Variants in SPIDR observed in about 807,000 individuals in gnomAD.
SPIDR encodes the protein DNA repair-scaffolding protein.
SPIDR carries 93 observed loss-of-function variants against 104.6 expected under a neutral mutation model. The ratio of observed to expected loss-of-function variants is 0.89; its 90% confidence interval spans 0.75 to 1.06. SPIDR has a LOEUF of 1.06. Ranked by LOEUF, SPIDR falls within the 50% of genes least tolerant of loss-of-function variation. The pLI, the probability that SPIDR is intolerant of heterozygous loss-of-function variation, is 0.00. For missense variants in SPIDR, 1,154 were observed against 1,111.2 expected, an observed-to-expected ratio of 1.04 and a Z score of -0.55; for synonymous variants, 431 against 416.9, an observed-to-expected ratio of 1.03 and a Z score of -0.41.
At chr8:47,369,519 C>A (rs542008417) in intron 5 of SPIDR, among the ~76,000 whole-genome samples, 1 of 152,318 alleles carries the variant, frequency 6.6e-6, no homozygotes, top group South Asian at 2.1e-4. Flanking sequence ...GTACTGCCCT[C>A]TTTGGCCACT....
intron 7 of SPIDR, among the ~76,000 whole-genome samples, chr8:47,408,562 A>G (rs2063072301): frequency 6.6e-6 from 1 of 152,208 alleles, no homozygotes; most frequent in Non-Finnish European, 1.5e-5. Flanking sequence ...ATTGGCAGCC[A>G]CCATTGCAGT....
At chr8:47,546,887 T>C in intron 8 of SPIDR, 2 of 422,074 alleles carry the variant, frequency 4.7e-6, no homozygotes, top group Non-Finnish European at 9.1e-6. Flanking sequence ...GGAAGAGAAA[T>C]TAATGGTTTG....
chr8:47,453,419 A>G (rs1200458769), intron 8 of SPIDR, among the ~76,000 whole-genome samples: 3 of 152,198 alleles, frequency 2.0e-5, no homozygotes, highest in Non-Finnish European at 2.9e-5. Flanking sequence ...GAGAATTTTA[A>G]GCCAAAAGAG....
At chr8:47,409,402 C>T (rs1554669684) in intron 7 of SPIDR, among the ~76,000 whole-genome samples, 1 of 152,082 alleles carries the variant, frequency 6.6e-6, no homozygotes, top group Non-Finnish European at 1.5e-5. Flanking sequence ...TCTAGAAAAG[C>T]CTCCTCTCCT....
At position 47,599,043 on chromosome 8, in the gene SPIDR, C is replaced by A. The variant is rs370615576; in HGVS notation, c.1391C>A (p.Ser464Tyr). The A allele has an allele frequency of 8.4e-5, 135 of 1,613,068 alleles. No homozygotes were observed. In the African/African-American group the frequency reaches 1.7e-3, roughly 20 times the overall value. The change falls in exon 10 of 20, where the codon TCT (serine) becomes TAT (tyrosine). Residue 464 changes from serine to tyrosine, a missense_variant. Transcript: ENST00000297423. ...RIPTSTPLRD[S>Y]LLDVVESQGA... Reference sequence around the variant, plus strand: ...CCAACCAGCACTCCCCTGAGGGATTCTCTCCTGGATGTGGTGGAAAGCCAG... The same window carrying A: ...CCAACCAGCACTCCCCTGAGGGATTATCTCCTGGATGTGGTGGAAAGCCAG...
At chr8:47,658,029 C>CAAAAAAAAAAAAA (rs34648437) in intron 10 of SPIDR, among the ~76,000 whole-genome samples, 12 of 76,030 alleles carry the variant, frequency 1.6e-4, no homozygotes, top group Non-Finnish European at 2.2e-4. Flanking sequence ...GACCCTGTCT[C>CAAAAAAAAAAAAA]AAAAAAAAAA....
At chr8:47,696,306 A>G (rs958027099) in intron 11 of SPIDR, among the ~76,000 whole-genome samples, 5 of 152,222 alleles carry the variant, frequency 3.3e-5, no homozygotes, top group African/African-American at 9.6e-5. Flanking sequence ...TATGTTACCA[A>G]CAACAAAATT....
chr8:47,635,695 C>G (rs1281615807), intron 10 of SPIDR, among the ~76,000 whole-genome samples: 1 of 151,898 alleles, frequency 6.6e-6, no homozygotes, highest in Non-Finnish European at 1.5e-5. Flanking sequence ...GCAGTGCACT[C>G]CAGCTGGGGC....
rs1382872068 is a variant in SPIDR, at chr8:47,592,108, C to T, written c.1098-3703C>T. 18 of 1,350,048 alleles carry T rather than the reference C, an allele frequency of 1.3e-5. No homozygotes were observed. The East Asian group carries it at 3.0e-4, about 22-fold the overall frequency. The allele number at this position is 1,350,048 out of a possible 1,614,324, so 83.6% of individuals were successfully genotyped here. A position where few individuals can be genotyped will look rare whatever the true frequency, so the allele number is the denominator to read the frequency against. ...CAAAAAGGAGGAAGTCTTGGCAGAA[C>T]AGGAGAAGTGATGCACACTTGATGA... On this transcript the variant is annotated intron_variant, in intron 8 of 19. Coordinates refer to ENST00000297423, the MANE Select transcript of SPIDR (RefSeq NM_001080394.4).
intron 10 of SPIDR, among the ~76,000 whole-genome samples, chr8:47,651,806 G>C (rs905080753): frequency 6.6e-6 from 1 of 152,128 alleles, no homozygotes; most frequent in African/African-American, 2.4e-5. Flanking sequence ...TTTTGCAGCA[G>C]CTTGGATGGA....
At chr8:47,723,651 G>A (rs1004160216) in intron 16 of SPIDR, among the ~76,000 whole-genome samples, 7 of 151,890 alleles carry the variant, frequency 4.6e-5, no homozygotes, top group Non-Finnish European at 8.8e-5. Context: ...GGATGGTCTC[G>A]ATCTCCTGAC....
intron 5 of SPIDR, among the ~76,000 whole-genome samples, chr8:47,298,378 C>T (rs1563520424): frequency 6.6e-6 from 1 of 152,110 alleles, no homozygotes; most frequent in Non-Finnish European, 1.5e-5. Flanking sequence ...GAGTAGATTG[C>T]AAAAATTTTC....
At position 47,280,037 on chromosome 8, in the gene SPIDR, GTTT is replaced by G; in HGVS notation, c.189+22_189+24del. ...AATCCGGTAAAGTATCTGTAGAATT[GTTT>G]TCCCTGAATGCCAAAGAGGAAATCC... On this transcript the variant is annotated intron_variant, in intron 2 of 19. Transcript: ENST00000297423. 6.2e-7 allele frequency: 1 copy of G among 1,605,638 alleles called. No individual in the cohort carries two copies. The highest frequency in any genetic ancestry group is 8.5e-7 in the Non-Finnish European group (1 of 1,175,328).
chr8:47,474,814 T>TA (rs2076106235), intron 8 of SPIDR, among the ~76,000 whole-genome samples: 1 of 152,252 alleles, frequency 6.6e-6, no homozygotes, highest in African/African-American at 2.4e-5. Flanking sequence ...TCAGTAGAAT[T>TA]TGTTATTTTC....
At chr8:47,362,987 A>G (rs1333971722) in intron 5 of SPIDR, among the ~76,000 whole-genome samples, 2 of 151,726 alleles carry the variant, frequency 1.3e-5, no homozygotes, top group East Asian at 3.9e-4. Flanking sequence ...CGCCCATTAG[A>G]CAACATACCT....
chr8:47,729,344 G>C, intron 18 of SPIDR, 68 bp from the exon 19 acceptor site: 1 of 1,539,508 alleles, frequency 6.5e-7, no homozygotes, highest in Non-Finnish European at 8.8e-7. Context: ...TTTCGGGAAT[G>C]AGTGATTTAA....
intron 16 of SPIDR, among the ~76,000 whole-genome samples, chr8:47,726,200 C>T (rs2084211297): frequency 6.6e-6 from 1 of 152,242 alleles, no homozygotes; most frequent in South Asian, 2.1e-4. Context: ...TTTTCAAAAT[C>T]AAGATCTATT....
intron 7 of SPIDR, among the ~76,000 whole-genome samples, chr8:47,413,504 A>G (rs2063810838): frequency 6.6e-6 from 1 of 152,262 alleles, no homozygotes; most frequent in South Asian, 2.1e-4. Flanking sequence ...CTAGTGGAGA[A>G]TAACCAAATA....
At chr8:47,488,744 CAAA>C (rs554694125) in intron 8 of SPIDR, among the ~76,000 whole-genome samples, 1 of 152,136 alleles carries the variant, frequency 6.6e-6, no homozygotes, top group Admixed American at 6.5e-5. Context: ...GAACCAAAGA[CAAA>C]AACCACATGA....
Sources: gnomAD v4.1 joint callset for allele counts (sites outside exome capture counted in the v4.1 genomes callset) on GRCh38, gnomAD v4.1.1 for gene constraint, MANE v1.5 for transcripts, NCBI Gene and HGNC (gene_info 2026-07-23, HGNC 2026-07-21) for gene names.